SDK1: variants seen among roughly 807,000 people sequenced by gnomAD.
SDK1 encodes protein sidekick-1.
SDK1 carries 157 observed loss-of-function variants against 245.5 expected under a neutral mutation model. The ratio of observed to expected loss-of-function variants is 0.64; its 90% CI spans 0.56 to 0.73. The LOEUF (loss-of-function observed/expected upper bound fraction) is 0.73. Ranked by LOEUF, SDK1 falls within the 30% of genes least tolerant of loss-of-function variation. SDK1 has a pLI of 0.00. For missense variants in SDK1, 3,583 were observed against 3,002.3 expected, an observed-to-expected ratio of 1.19 and a Z score of -4.52; for synonymous variants, 1,647 against 1,278.5, an observed-to-expected ratio of 1.29 and a Z score of -6.15.
intron 12 of SDK1, among the ~76,000 whole-genome samples, chr7:3,972,478 G>T (rs183620891): frequency 4.6e-5 from 7 of 152,340 alleles, no homozygotes; most frequent in Non-Finnish European, 1.5e-5. Context: ...TGTGGTGGCA[G>T]ACAGGTGGGC....
intron 1 of SDK1, among the ~76,000 whole-genome samples, chr7:3,565,179 C>T (rs1218175690): frequency 1.3e-5 from 2 of 151,946 alleles, no homozygotes; most frequent in Non-Finnish European, 2.9e-5. Flanking sequence ...AAACACATCT[C>T]TCCAGTCTTG....
chr7:4,252,678 T>C (rs1787383287), intron 44 of SDK1, among the ~76,000 whole-genome samples: 1 of 152,204 alleles, frequency 6.6e-6, no homozygotes, highest in South Asian at 2.1e-4. Flanking sequence ...TTGAATGATT[T>C]GGGAAGTATT....
At chr7:3,398,256 G>T (rs1778778842) in intron 1 of SDK1, among the ~76,000 whole-genome samples, 2 of 152,054 alleles carry the variant, frequency 1.3e-5, no homozygotes, top group African/African-American at 4.8e-5. Flanking sequence ...TCTGTACCTT[G>T]CAGCTATTTT....
chr7:4,053,214 C>T (rs978738241), intron 19 of SDK1, among the ~76,000 whole-genome samples: 3 of 152,118 alleles, frequency 2.0e-5, no homozygotes, highest in Admixed American at 6.6e-5. Flanking sequence ...TTGGCCGTCG[C>T]CAGCTCCACC....
intron 37 of SDK1, among the ~76,000 whole-genome samples, chr7:4,208,779 C>T (rs1217484822): frequency 1.3e-5 from 2 of 152,228 alleles, no homozygotes; most frequent in African/African-American, 2.4e-5. Context: ...ACACATGCCA[C>T]GGGCCAGTCC....
chr7:3,362,910 C>T (rs185960627), intron 1 of SDK1, among the ~76,000 whole-genome samples: 216 of 152,222 alleles, frequency 1.4e-3, no homozygotes, highest in Non-Finnish European at 2.5e-3. Context: ...TTAAAAATAT[C>T]CACTTAATTT....
intron 1 of SDK1, among the ~76,000 whole-genome samples, chr7:3,572,886 A>C (rs894465736): frequency 2.0e-5 from 3 of 152,092 alleles, no homozygotes; most frequent in Non-Finnish European, 2.9e-5. Context: ...TTCCTGGAAG[A>C]ATTCCATTGG....
At chr7:3,776,657 AACTG>A (rs1174084723) in intron 4 of SDK1, among the ~76,000 whole-genome samples, 1 of 152,212 alleles carries the variant, frequency 6.6e-6, no homozygotes, top group African/African-American at 2.4e-5. Flanking sequence ...TGCCTACAGT[AACTG>A]ACCTATAAAA....
intron 5 of SDK1, among the ~76,000 whole-genome samples, chr7:3,936,885 T>C (rs1231168724): frequency 2.0e-5 from 3 of 151,984 alleles, no homozygotes; most frequent in Non-Finnish European, 4.4e-5. Flanking sequence ...TGGAGAGAGC[T>C]GTTACAGGTG....
chr7:3,492,787 G>A (rs1258929870), intron 1 of SDK1, among the ~76,000 whole-genome samples: 1 of 152,212 alleles, frequency 6.6e-6, no homozygotes, highest in Admixed American at 6.5e-5. Context: ...ACAGAACGAT[G>A]CAGCTGTTTA....
At chr7:4,084,662 ATATGTTATGTTACGTTATGTTATGT>A (rs1377947211) in intron 22 of SDK1, among the ~76,000 whole-genome samples, 175 of 140,336 alleles carry the variant, frequency 1.2e-3, no homozygotes, top group East Asian at 5.3e-3. Flanking sequence ...CCTTAAATGT[ATATGTTATGTTACGTTATGTTATGT>A]TATGTTATGT....
chr7:3,699,724 A>C lies in SDK1; in HGVS notation c.713+57619A>C, dbSNP rs543451649. Among the ~76,000 whole-genome samples, 17 of 152,308 alleles carry C rather than the reference A, an allele frequency of 1.1e-4. No individual in the cohort carries two copies. In the South Asian group the frequency reaches 3.5e-3, roughly 32 times the overall value. ...AGGGTAGAGTTGAAGAATTATTCAAAGAAATAATGGTTAAAGATTTCCTGA... is the reference window on the plus strand; with the variant it reads ...AGGGTAGAGTTGAAGAATTATTCAACGAAATAATGGTTAAAGATTTCCTGA... On this transcript the variant is annotated intron_variant, in intron 4 of 44. Transcript: ENST00000404826.
intron 4 of SDK1, among the ~76,000 whole-genome samples, chr7:3,758,096 G>T (rs1320512102): frequency 2.0e-5 from 3 of 152,164 alleles, no homozygotes; most frequent in Non-Finnish European, 2.9e-5. Context: ...CAAGCAGAGG[G>T]CAGTTAAGTT....
chr7:3,645,850 C>G (rs982278974), intron 4 of SDK1, among the ~76,000 whole-genome samples: 2 of 151,798 alleles, frequency 1.3e-5, no homozygotes, highest in Admixed American at 6.6e-5. Flanking sequence ...AGTTTCTGCA[C>G]CTATTTTTTT....
intron 1 of SDK1, among the ~76,000 whole-genome samples, chr7:3,614,294 T>C (rs1781697155): frequency 6.6e-6 from 1 of 152,212 alleles, no homozygotes; most frequent in Non-Finnish European, 1.5e-5. Flanking sequence ...AAATTTCACT[T>C]TTCCTTAGTA....
intron 4 of SDK1, among the ~76,000 whole-genome samples, chr7:3,705,045 A>G (rs934535158): frequency 9.9e-5 from 15 of 152,114 alleles, no homozygotes; most frequent in Admixed American, 6.5e-4. Flanking sequence ...TCATTGGTCT[A>G]TGTGTCTACT....
Position 3,355,067 on chromosome 7 carries a change from T to C in SDK1, c.298+53183T>C, listed in dbSNP as rs566904050. ...TTGTGGTGGGAAATATCTGGCCAAA[T>C]CTAGTCTTTTCTTAGTCATGTTATT... On this transcript the variant is annotated intron_variant, in intron 1 of 44. Coordinates refer to ENST00000404826, the MANE Select transcript of SDK1 (RefSeq NM_152744.4). 2.6e-5 allele frequency among the ~76,000 whole-genome samples: 4 copies of C among 152,318 alleles called. No homozygotes were observed. The South Asian group carries it at 8.3e-4, about 32-fold the overall frequency.
intron 4 of SDK1, among the ~76,000 whole-genome samples, chr7:3,728,759 C>G (rs1779086416): frequency 1.3e-5 from 2 of 152,144 alleles, no homozygotes; most frequent in African/African-American, 4.8e-5. Flanking sequence ...GCATGTGCCA[C>G]CATGCCTGGC....
chr7:3,523,202 GTAATGT>G (rs1177322302), intron 1 of SDK1, among the ~76,000 whole-genome samples: 1 of 151,812 alleles, frequency 6.6e-6, no homozygotes, highest in Admixed American at 6.6e-5. Flanking sequence ...CCTGAATGAT[GTAATGT>G]TAAAGAGCCA....
Sources: allele counts gnomAD v4.1 joint callset (sites outside exome capture counted in the v4.1 genomes callset), GRCh38; gene constraint gnomAD v4.1.1; transcripts MANE v1.5; gene names NCBI Gene and HGNC (gene_info 2026-07-23, HGNC 2026-07-21).